AGPAT5: variants seen among roughly 807,000 people sequenced by gnomAD.
AGPAT5 encodes 1-acylglycerol-3-phosphate O-acyltransferase 5, also known as 1-acyl-sn-glycerol-3-phosphate acyltransferase epsilon.
A neutral mutation model predicts 45.6 loss-of-function variants in AGPAT5; 46 were observed. That is an observed-to-expected ratio of 1.01 (90% CI 0.80 to 1.29). AGPAT5 has a LOEUF of 1.29. Ranked by LOEUF, AGPAT5 falls within the 50% of genes most tolerant of loss-of-function variation. AGPAT5 has a pLI of 0.00. For synonymous variants in AGPAT5, 272 were observed against 167.0 expected (o/e 1.63, Z -4.85); for missense variants, 673 against 450.7 (o/e 1.49, Z -4.47).
chr8:6,752,142 A>G (rs1227147428), intron 6 of AGPAT5, among the ~76,000 whole-genome samples: 1 of 152,102 alleles, frequency 6.6e-6, no homozygotes, highest in Non-Finnish European at 1.5e-5. Context: ...GTGCCACTGG[A>G]CTCTAGCCTG....
At chr8:6,736,045 G>T (rs369136985) in intron 4 of AGPAT5, among the ~76,000 whole-genome samples, 2 of 151,844 alleles carry the variant, frequency 1.3e-5, no homozygotes, top group Non-Finnish European at 2.9e-5. Context: ...GTAGAGACAG[G>T]GTTTCACCAT....
intron 1 of AGPAT5, among the ~76,000 whole-genome samples, chr8:6,710,669 C>G (rs906223211): frequency 6.6e-6 from 1 of 152,080 alleles, no homozygotes; most frequent in African/African-American, 2.4e-5. Context: ...TTATTAGGGT[C>G]TTTTTCTGCA....
chr8:6,734,076 A>G (rs1233524657), intron 4 of AGPAT5, among the ~76,000 whole-genome samples: 2 of 152,020 alleles, frequency 1.3e-5, no homozygotes, highest in Admixed American at 6.6e-5. Context: ...AAAAATTTTT[A>G]CCTGGATTGG....
At chr8:6,750,432 C>G (rs945636218) in intron 6 of AGPAT5, among the ~76,000 whole-genome samples, 1 of 152,062 alleles carries the variant, frequency 6.6e-6, no homozygotes, top group Non-Finnish European at 1.5e-5. Context: ...TCTGACTTAC[C>G]CAGATACCAT....
intron 3 of AGPAT5, among the ~76,000 whole-genome samples, chr8:6,732,257 G>C (rs1800889508): frequency 6.6e-6 from 1 of 152,128 alleles, no homozygotes; most frequent in South Asian, 2.1e-4. Context: ...GATGGATCAG[G>C]TTTTTTATTT....
chr8:6,712,404 T>C (rs1185281385), intron 1 of AGPAT5, among the ~76,000 whole-genome samples: 1 of 152,136 alleles, frequency 6.6e-6, no homozygotes, highest in Non-Finnish European at 1.5e-5. Flanking sequence ...ATAACTGAAA[T>C]CCTGATAAAT....
chr8:6,748,422 G>A (rs959504866), intron 6 of AGPAT5, among the ~76,000 whole-genome samples: 2 of 152,204 alleles, frequency 1.3e-5, no homozygotes, highest in East Asian at 1.9e-4. Context: ...ACAGGGAAGT[G>A]TGTGGAGTTT....
At chr8:6,748,066 C>T (rs1291901239) in intron 6 of AGPAT5, among the ~76,000 whole-genome samples, 2 of 152,110 alleles carry the variant, frequency 1.3e-5, no homozygotes. Flanking sequence ...ATTAATCCAG[C>T]CTCTTTCTAC....
intron 1 of AGPAT5, 46 bp downstream of exon 1, chr8:6,708,933 C>G: frequency 6.5e-7 from 1 of 1,550,320 alleles, no homozygotes; most frequent in Non-Finnish European, 8.7e-7. Context: ...CCCGAGCTCC[C>G]GGGGGCGCGG....
intron 6 of AGPAT5, among the ~76,000 whole-genome samples, chr8:6,748,566 G>A (rs1028327204): frequency 1.3e-5 from 2 of 152,066 alleles, no homozygotes; most frequent in East Asian, 1.9e-4. Context: ...GTGCAGTGGC[G>A]CAATCTTGGC....
At chr8:6,715,254 C>G (rs1800283307) in intron 1 of AGPAT5, among the ~76,000 whole-genome samples, 1 of 152,194 alleles carries the variant, frequency 6.6e-6, no homozygotes, top group Non-Finnish European at 1.5e-5. Context: ...TTTGGAAAAT[C>G]TTACTGAGCA....
intron 1 of AGPAT5, among the ~76,000 whole-genome samples, chr8:6,710,182 C>G (rs1339805595): frequency 1.3e-5 from 2 of 152,070 alleles, no homozygotes; most frequent in African/African-American, 4.8e-5. Flanking sequence ...AAAGAGGACA[C>G]AATATGATGC....
chr8:6,754,600 C>G (rs757893391), intron 6 of AGPAT5, among the ~76,000 whole-genome samples: 3 of 152,138 alleles, frequency 2.0e-5, no homozygotes, highest in Non-Finnish European at 2.9e-5. Flanking sequence ...CTCTCGGCCC[C>G]TGTGGAGCTC....
At position 6,726,096 on chromosome 8, in the gene AGPAT5, A is replaced by C. The variant is rs778397407; in HGVS notation, c.289+1157A>C. Among the ~76,000 whole-genome samples the C allele has an allele frequency of 5.3e-4, 80 of 152,360 alleles. 1 individual carries two copies. In the Middle Eastern group the frequency reaches 0.031, roughly 58 times the overall value. ...CCCAACTTTATTACATGACTGGTTC[A>C]GACTATTTTATCTAATTACATTTCA... On this transcript the variant is annotated intron_variant, in intron 2 of 7. Transcript: ENST00000285518.
At chr8:6,734,622 C>T (rs995501975) in intron 4 of AGPAT5, among the ~76,000 whole-genome samples, 1 of 152,158 alleles carries the variant, frequency 6.6e-6, no homozygotes, top group African/African-American at 2.4e-5. Flanking sequence ...ATTACTTTAT[C>T]TCTTCAGATT....
intron 4 of AGPAT5, among the ~76,000 whole-genome samples, chr8:6,741,346 G>A (rs1801239409): frequency 6.6e-6 from 1 of 152,118 alleles, no homozygotes; most frequent in Non-Finnish European, 1.5e-5. Context: ...TTGAGGCTTT[G>A]TATGAGTCAG....
At position 6,759,073 on chromosome 8, in the gene AGPAT5, C is replaced by G. The variant is rs576892014; in HGVS notation, c.*1685C>G. The G allele has an allele frequency of 3.9e-4, 59 of 152,284 alleles. No homozygotes were observed. Among genetic ancestry groups the G allele is most frequent in the African/African-American group, 1.4e-3 (58 of 41,560 alleles). The allele number at this position is 152,284 out of a possible 1,614,324, so 9.4% of individuals were successfully genotyped here. On this transcript the variant is annotated 3_prime_UTR_variant, in exon 8 of 8. Transcript: ENST00000285518. The stretch of plus-strand genomic sequence containing the variant: ...ATGTATGCACACATCCATGGACACT[C>G]AGGATATAGTTGGCCTAATAATCGG...
At chr8:6,739,884 A>G (rs1801184539) in intron 4 of AGPAT5, among the ~76,000 whole-genome samples, 1 of 151,974 alleles carries the variant, frequency 6.6e-6, no homozygotes, top group African/African-American at 2.4e-5. Flanking sequence ...TCCTAGCCCC[A>G]TTGCCCTTCC....
Position 6,730,707 on chromosome 8 carries a change from G to C in AGPAT5, c.290-4G>C, listed in dbSNP as rs908568858. 3 of 1,605,408 alleles carry C rather than the reference G, an allele frequency of 1.9e-6. No homozygotes were observed. The highest frequency in any genetic ancestry group is 2.6e-6 in the Non-Finnish European group (3 of 1,172,978). On this transcript the variant is annotated splice_polypyrimidine_tract_variant and splice_region_variant and intron_variant, in intron 2 of 7. Coordinates refer to ENST00000285518, the MANE Select transcript of AGPAT5 (RefSeq NM_018361.5). ...TACGCGCTAACTGGGTCCTGTCTCT[G>C]CAGTTGACTGGATTGTTGCTGACAT... is the stretch of plus-strand genomic sequence containing the variant.
Sources: allele counts gnomAD v4.1 joint callset (sites outside exome capture counted in the v4.1 genomes callset), GRCh38; gene constraint gnomAD v4.1.1; transcripts MANE v1.5; gene names NCBI Gene and HGNC (gene_info 2026-07-23, HGNC 2026-07-21).